Variants in DOCK8 observed in about 807,000 individuals in gnomAD.
The protein encoded by DOCK8 is dedicator of cytokinesis 8.
A neutral mutation model predicts 245.6 loss-of-function variants in DOCK8; 141 were observed. The ratio of observed to expected loss-of-function variants is 0.57; its 90% CI spans 0.50 to 0.66. The LOEUF is 0.66. DOCK8 is among the 30% of genes least tolerant of loss of function. The probability of loss-of-function intolerance (pLI) is 0.00; values close to 1 mark genes in which losing one functional copy is unlikely to be tolerated. For synonymous variants in DOCK8, 1,168 were observed against 970.2 expected (o/e 1.20, Z -3.79); for missense variants, 2,965 against 2,603.4 (o/e 1.14, Z -3.02).
intron 7 of DOCK8, among the ~76,000 whole-genome samples, chr9:322,558 A>G (rs932189743): frequency 7.9e-5 from 12 of 151,940 alleles, no homozygotes; most frequent in African/African-American, 2.9e-4. Context: ...TGCAGATAAT[A>G]TCTGCATTAC....
chr9:280,617 A>C (rs1041804317), intron 2 of DOCK8, among the ~76,000 whole-genome samples: 3 of 152,214 alleles, frequency 2.0e-5, no homozygotes, highest in Non-Finnish European at 4.4e-5. Flanking sequence ...CCACTGGCTA[A>C]GTCAGGCCCA....
At chr9:287,847 A>C (rs936608191) in intron 3 of DOCK8, among the ~76,000 whole-genome samples, 1 of 152,152 alleles carries the variant, frequency 6.6e-6, no homozygotes, top group Admixed American at 6.5e-5. Context: ...GATGTTTCCA[A>C]ATATGGTCAG....
intron 1 of DOCK8, among the ~76,000 whole-genome samples, chr9:257,000 C>T (rs910316710): frequency 6.6e-6 from 1 of 152,218 alleles, no homozygotes; most frequent in Non-Finnish European, 1.5e-5. Flanking sequence ...TCCAAATATT[C>T]ACCCTTCCAG....
chr9:356,212 C>T (rs1336007384), intron 14 of DOCK8, among the ~76,000 whole-genome samples: 1 of 152,076 alleles, frequency 6.6e-6, no homozygotes, highest in African/African-American at 2.4e-5. Context: ...ACTGTCTTGT[C>T]AATCTTAAGA....
chr9:325,430 T>C (rs556183531), intron 7 of DOCK8, among the ~76,000 whole-genome samples: 1 of 152,342 alleles, frequency 6.6e-6, no homozygotes, highest in South Asian at 2.1e-4. Flanking sequence ...GAGTGAGATA[T>C]TCCAAAAATA....
In DOCK8 at chr9:215,720, C is replaced by G. The variant is rs2046735025; in HGVS notation, c.53+691C>G. On this transcript the variant is annotated intron_variant, in intron 1 of 47. Transcript: ENST00000432829. ...TAAGGACTGGGGGATCCCAACTCACCATCCAATTCCTAATCAAAGTTGCAC... is the reference window on the plus strand; with the variant it reads ...TAAGGACTGGGGGATCCCAACTCACGATCCAATTCCTAATCAAAGTTGCAC... 6 of 289,794 alleles carry G rather than the reference C, an allele frequency of 2.1e-5. No individual in the cohort carries two copies. In the South Asian group the frequency reaches 8.9e-4, roughly 43 times the overall value. The allele number at this position is 289,794 out of a possible 1,614,324, so 18.0% of individuals were successfully genotyped here.
At chr9:459,237 C>A (rs561124932) in intron 46 of DOCK8, among the ~76,000 whole-genome samples, 38 of 152,248 alleles carry the variant, frequency 2.5e-4, no homozygotes, top group African/African-American at 8.7e-4. Flanking sequence ...TGTGGCTATT[C>A]TCTAGGAGGG....
At position 395,439 on chromosome 9, in the gene DOCK8, C is replaced by T. The variant is rs541609360; in HGVS notation, c.2971-1346C>T. Among the ~76,000 whole-genome samples, 13 of 152,244 alleles carry T rather than the reference C, an allele frequency of 8.5e-5. No homozygotes were observed. The South Asian group carries it at 1.9e-3, about 22-fold the overall frequency. On this transcript the variant is annotated intron_variant, in intron 24 of 47. Coordinates refer to ENST00000432829, the MANE Select transcript of DOCK8 (RefSeq NM_203447.4). ...CTGAATTCTGCTGTTAGTGTATTAA[C>T]GTTCTCTCATGTAGCTCCTGGGAGT...
At chr9:379,729 G>A in intron 20 of DOCK8, 42 bp from the exon 21 acceptor site, 1 of 1,611,886 alleles carries the variant, frequency 6.2e-7, no homozygotes, top group Non-Finnish European at 8.5e-7. Flanking sequence ...GGCTCCTTAA[G>A]GACCAGCTGT....
chr9:307,939 T>C (rs1043821165), intron 5 of DOCK8, among the ~76,000 whole-genome samples: 2 of 152,016 alleles, frequency 1.3e-5, no homozygotes, highest in Admixed American at 6.5e-5. Flanking sequence ...AGAGGATAAG[T>C]GAAATAAGCC....
intron 20 of DOCK8, 106 bp downstream of exon 20, chr9:377,317 T>A: frequency 2.6e-6 from 3 of 1,155,324 alleles, no homozygotes; most frequent in Non-Finnish European, 3.6e-6. Flanking sequence ...TGATCTTCCT[T>A]TCCACTGATG....
chr9:283,382 G>T (rs1164207217), intron 2 of DOCK8, among the ~76,000 whole-genome samples: 2 of 152,138 alleles, frequency 1.3e-5, no homozygotes, highest in African/African-American at 2.4e-5. Flanking sequence ...TCAAAACATT[G>T]TTTCATACAC....
intron 26 of DOCK8, among the ~76,000 whole-genome samples, chr9:400,935 C>G (rs1250392595): frequency 9.9e-6 from 1 of 101,226 alleles, no homozygotes; most frequent in Non-Finnish European, 2.3e-5. Flanking sequence ...ACCACAACAT[C>G]CACCACCACC....
chr9:265,590 C>G (rs895867456), intron 1 of DOCK8, among the ~76,000 whole-genome samples: 7 of 152,192 alleles, frequency 4.6e-5, no homozygotes, highest in Admixed American at 3.3e-4. Context: ...AGACCCAAAC[C>G]TCTTTCAATA....
chr9:256,659 AT>A (rs1476461012), intron 1 of DOCK8, among the ~76,000 whole-genome samples: 1 of 152,058 alleles, frequency 6.6e-6, no homozygotes, highest in Non-Finnish European at 1.5e-5. Flanking sequence ...CTCCCCTCCT[AT>A]AGAGGCACCA....
intron 6 of DOCK8, chr9:314,372 G>C (rs1268248604): frequency 6.6e-6 from 1 of 152,244 alleles, no homozygotes; most frequent in African/African-American, 2.4e-5. Context: ...AGGATGCAGA[G>C]AATATGTCCA....
chr9:433,794 C>A (rs1454304745), intron 37 of DOCK8, 81 bp from the exon 38 acceptor site: 6 of 1,176,614 alleles, frequency 5.1e-6, no homozygotes, highest in Non-Finnish European at 7.7e-6. Flanking sequence ...CCCATGGCTT[C>A]CCCTTGCATT....
intron 1 of DOCK8, among the ~76,000 whole-genome samples, chr9:240,760 C>G (rs909540545): frequency 1.3e-5 from 2 of 152,120 alleles, no homozygotes; most frequent in South Asian, 4.1e-4. Flanking sequence ...AAAGACCCTG[C>G]TTCCCTCATG....
At position 415,692 on chromosome 9, in the gene DOCK8, G is replaced by GCACACACGCACACACGCACACACACA. The variant is rs1554699022; in HGVS notation, c.3700+748_3700+749insGCACACACGCACACACACACACACAC. On this transcript the variant is annotated intron_variant, in intron 29 of 47. Transcript: ENST00000432829. Reference sequence around the variant, plus strand: ...TGTGTGTGCACGTGTGTGCGCGCGTGCACACACACACACACACAATTCCTA... The same window carrying GCACACACGCACACACGCACACACACA: ...TGTGTGTGCACGTGTGTGCGCGCGTGCACACACGCACACACGCACACACACACACACACACACACACACAATTCCTA... 4.5e-3 allele frequency among the ~76,000 whole-genome samples: 678 copies of GCACACACGCACACACGCACACACACA among 151,064 alleles called. 6 individuals are homozygous for GCACACACGCACACACGCACACACACA. Among genetic ancestry groups the GCACACACGCACACACGCACACACACA allele is most frequent in the African/African-American group, 0.015 (599 of 41,178 alleles).
Sources: gnomAD v4.1 joint callset for allele counts (sites outside exome capture counted in the v4.1 genomes callset) on GRCh38, gnomAD v4.1.1 for gene constraint, MANE v1.5 for transcripts, NCBI Gene and HGNC (gene_info 2026-07-23, HGNC 2026-07-21) for gene names.